CNTN5: variants seen among roughly 807,000 people sequenced by gnomAD.
CNTN5 encodes contactin-5.
CNTN5 carries 77 observed loss-of-function variants against 129.1 expected under a neutral mutation model. The ratio of observed to expected loss-of-function variants is 0.60; its 90% confidence interval spans 0.50 to 0.72. The LOEUF is 0.72. Among genes scored for constraint, CNTN5 ranks in the 30% least tolerant of loss-of-function variants. CNTN5 has a pLI of 0.00. For synonymous variants in CNTN5, 509 were observed against 465.6 expected (o/e 1.09, Z -1.20); for missense variants, 1,478 against 1,328.8 (o/e 1.11, Z -1.75).
intron 1 of CNTN5, among the ~76,000 whole-genome samples, chr11:99,040,195 C>A (rs534521548): frequency 1.4e-3 from 216 of 152,096 alleles, no homozygotes; most frequent in Non-Finnish European, 2.5e-3. Flanking sequence ...CAAATACATG[C>A]AAACTTTGAG....
chr11:99,895,899 C>T (rs1044586820), intron 6 of CNTN5, among the ~76,000 whole-genome samples: 17 of 152,056 alleles, frequency 1.1e-4, no homozygotes, highest in African/African-American at 3.1e-4. Context: ...GAATAGATGG[C>T]GCATCCATAG....
At chr11:100,007,727 G>GT (rs770325774) in intron 9 of CNTN5, among the ~76,000 whole-genome samples, 94 of 151,768 alleles carry the variant, frequency 6.2e-4, no homozygotes, top group Non-Finnish European at 1.2e-3. Context: ...CAATAAGCCT[G>GT]TTTTGCTTTC....
intron 3 of CNTN5, among the ~76,000 whole-genome samples, chr11:99,563,854 G>C (rs530857891): frequency 6.6e-6 from 1 of 152,236 alleles, no homozygotes; most frequent in South Asian, 2.1e-4. Flanking sequence ...TCATGCCTCT[G>C]TTATATTTGC....
chr11:99,453,509 A>G (rs905641228), intron 2 of CNTN5, among the ~76,000 whole-genome samples: 3 of 152,228 alleles, frequency 2.0e-5, no homozygotes, highest in Non-Finnish European at 4.4e-5. Flanking sequence ...GCTTTTGTAA[A>G]TAGCAAAAAC....
intron 3 of CNTN5, among the ~76,000 whole-genome samples, chr11:99,562,627 G>T (rs993357360): frequency 6.6e-6 from 1 of 152,044 alleles, no homozygotes; most frequent in African/African-American, 2.4e-5. Context: ...AATATGATGA[G>T]GGCCTGAAAA....
intron 13 of CNTN5, among the ~76,000 whole-genome samples, chr11:100,171,800 T>C (rs1345498778): frequency 6.6e-6 from 1 of 151,874 alleles, no homozygotes; most frequent in African/African-American, 2.4e-5. Flanking sequence ...CGAAGGAATG[T>C]ATTTAGTTGA....
At chr11:99,523,245 C>T (rs1947335333) in intron 2 of CNTN5, among the ~76,000 whole-genome samples, 1 of 152,112 alleles carries the variant, frequency 6.6e-6, no homozygotes, top group Admixed American at 6.6e-5. Context: ...TATTATTGCT[C>T]TTATCACACT....
chr11:99,076,905 T>C (rs1203765483), intron 1 of CNTN5, among the ~76,000 whole-genome samples: 3 of 152,198 alleles, frequency 2.0e-5, no homozygotes, highest in Non-Finnish European at 4.4e-5. Context: ...TATTTTCATT[T>C]CTTTTCCTTT....
intron 1 of CNTN5, among the ~76,000 whole-genome samples, chr11:99,049,388 A>T (rs1404224410): frequency 6.6e-6 from 1 of 152,106 alleles, no homozygotes. Flanking sequence ...ACTGAAACTA[A>T]TATATTCTTC....
intron 1 of CNTN5, among the ~76,000 whole-genome samples, chr11:99,273,325 C>A (rs1863264652): frequency 6.6e-6 from 1 of 151,802 alleles, no homozygotes; most frequent in Non-Finnish European, 1.5e-5. Context: ...ATCTTCTAGA[C>A]TATTCTCAAC....
intron 1 of CNTN5, among the ~76,000 whole-genome samples, chr11:99,274,485 T>C (rs910212618): frequency 2.6e-5 from 4 of 151,686 alleles, no homozygotes; most frequent in African/African-American, 9.7e-5. Flanking sequence ...ATTCAGTACA[T>C]TGTAAATGTG....
chr11:99,618,942 A>G (rs1950843806), intron 3 of CNTN5, among the ~76,000 whole-genome samples: 1 of 152,212 alleles, frequency 6.6e-6, no homozygotes, highest in Non-Finnish European at 1.5e-5. Context: ...CATAATGCAC[A>G]ACTTTGTCAG....
At chr11:99,226,276 G>A (rs1860681769) in intron 1 of CNTN5, among the ~76,000 whole-genome samples, 1 of 152,190 alleles carries the variant, frequency 6.6e-6, no homozygotes, top group Non-Finnish European at 1.5e-5. Flanking sequence ...ACTAACGTGA[G>A]GGTCTTTAGG....
intron 6 of CNTN5, among the ~76,000 whole-genome samples, chr11:99,888,987 G>A (rs974871217): frequency 4.8e-5 from 2 of 41,646 alleles, no homozygotes; most frequent in Non-Finnish European, 8.5e-5. Context: ...CAAAAGGGAG[G>A]GTTCAGTTAT....
intron 3 of CNTN5, among the ~76,000 whole-genome samples, chr11:99,615,569 C>A (rs997349423): frequency 6.6e-6 from 1 of 152,016 alleles, no homozygotes; most frequent in Admixed American, 6.5e-5. Flanking sequence ...TCTTTTGGGG[C>A]TTTTTGTTTT....
intron 6 of CNTN5, among the ~76,000 whole-genome samples, chr11:99,866,367 T>A (rs2135790813): frequency 6.6e-6 from 1 of 152,318 alleles, no homozygotes; most frequent in Admixed American, 6.5e-5. Flanking sequence ...GCTTTTCTTT[T>A]ATTAATTACT....
At chr11:99,447,369 C>T (rs768938385) in intron 2 of CNTN5, among the ~76,000 whole-genome samples, 4 of 152,080 alleles carry the variant, frequency 2.6e-5, no homozygotes, top group African/African-American at 9.7e-5. Flanking sequence ...GTCTCACTGA[C>T]CCTTTAAACT....
chr11:100,043,436 A>G (rs1942481680), intron 9 of CNTN5, among the ~76,000 whole-genome samples: 1 of 152,186 alleles, frequency 6.6e-6, no homozygotes, highest in South Asian at 2.1e-4. Flanking sequence ...GAGGCAAAAA[A>G]TTTAGGAGAC....
At chr11:99,158,316 C>T (rs1201747337) in intron 1 of CNTN5, among the ~76,000 whole-genome samples, 1 of 152,138 alleles carries the variant, frequency 6.6e-6, no homozygotes, top group Admixed American at 6.5e-5. Flanking sequence ...TGCAAGTATG[C>T]TTCATGTGCA....
Sources: gnomAD v4.1 joint callset for allele counts (sites outside exome capture counted in the v4.1 genomes callset) on GRCh38, gnomAD v4.1.1 for gene constraint, MANE v1.5 for transcripts, NCBI Gene and HGNC (gene_info 2026-07-23, HGNC 2026-07-21) for gene names.